DNAH14: variants seen among roughly 807,000 people sequenced by gnomAD.
DNAH14 encodes the protein dynein axonemal heavy chain 14.
DNAH14 carries 478 observed loss-of-function variants against 520.9 expected under a neutral mutation model. The observed-to-expected ratio is 0.92, with a 90% CI of 0.85 to 0.99. DNAH14 has a LOEUF of 0.99. DNAH14 is among the 50% of genes least tolerant of loss of function. The pLI, the probability that DNAH14 is intolerant of heterozygous loss-of-function variation, is 0.00. For missense variants in DNAH14, 4,831 were observed against 5,234.5 expected, an observed-to-expected ratio of 0.92 and a Z score of 2.38; for synonymous variants, 1,581 against 1,757.2, an observed-to-expected ratio of 0.90 and a Z score of 2.51.
chr1:224,995,546 T>C (rs1008308627), intron 8 of DNAH14, among the ~76,000 whole-genome samples: 3 of 152,106 alleles, frequency 2.0e-5, no homozygotes, highest in African/African-American at 7.2e-5. Context: ...TTAAATTTAA[T>C]TGGAGATCTC....
intron 8 of DNAH14, among the ~76,000 whole-genome samples, chr1:224,992,212 T>C (rs2063107438): frequency 6.6e-6 from 1 of 152,154 alleles, no homozygotes; most frequent in Non-Finnish European, 1.5e-5. Flanking sequence ...ATAATTGCCT[T>C]GACTATTCAA....
At position 225,037,255 on chromosome 1, in the gene DNAH14, G is replaced by T. The variant is rs530491029; in HGVS notation, c.1359-1439G>T. On this transcript the variant is annotated intron_variant, in intron 11 of 85. Transcript: ENST00000682510. ...AATAAGGACTTACTCCTGCCATTTTGTTATTTGTTTATTTTTGGTTCTTTT... is the reference window on the plus strand; with the variant it reads ...AATAAGGACTTACTCCTGCCATTTTTTTATTTGTTTATTTTTGGTTCTTTT... Among the ~76,000 whole-genome samples, 5 of 152,132 alleles carry T rather than the reference G, an allele frequency of 3.3e-5. No individual in the cohort carries two copies. The South Asian group carries it at 1.0e-3, about 32-fold the overall frequency.
intron 4 of DNAH14, among the ~76,000 whole-genome samples, chr1:224,962,546 C>T (rs1035013474): frequency 6.6e-6 from 1 of 152,106 alleles, no homozygotes; most frequent in Non-Finnish European, 1.5e-5. Context: ...GAAACGAATT[C>T]CACCTCAAAC....
At chr1:225,044,277 CTTTTATGTCATAGTATAACAAAGATA>C (rs1254472962) in intron 15 of DNAH14, among the ~76,000 whole-genome samples, 1 of 152,112 alleles carries the variant, frequency 6.6e-6, no homozygotes, top group Non-Finnish European at 1.5e-5. Context: ...TGAGCAAGAT[CTTTTATGTCATAGTATAACAAAGATA>C]TTGTTTCTAC....
intron 61 of DNAH14, among the ~76,000 whole-genome samples, chr1:225,322,161 G>A (rs2094569578): frequency 7.8e-6 from 1 of 128,924 alleles, no homozygotes; most frequent in Admixed American, 1.0e-4. Context: ...CGTGATCTTG[G>A]CTCAGTCCAG....
intron 1 of DNAH14, among the ~76,000 whole-genome samples, chr1:224,946,480 C>G (rs2059839887): frequency 6.6e-6 from 1 of 152,120 alleles, no homozygotes; most frequent in Non-Finnish European, 1.5e-5. Flanking sequence ...ACCCACTGTC[C>G]TGCACCCAGT....
At chr1:225,074,765 G>A (rs982133498) in intron 17 of DNAH14, among the ~76,000 whole-genome samples, 11 of 152,210 alleles carry the variant, frequency 7.2e-5, no homozygotes, top group African/African-American at 2.7e-4. Flanking sequence ...CTCCAAAGCC[G>A]CAGGCTATAG....
At chr1:225,350,985 C>T (rs1370253566) in intron 71 of DNAH14, among the ~76,000 whole-genome samples, 1 of 152,112 alleles carries the variant, frequency 6.6e-6, no homozygotes, top group Non-Finnish European at 1.5e-5. Context: ...AAATCCTCAG[C>T]AAAATACTAA....
intron 82 of DNAH14, 145 bp from the exon 83 acceptor site, chr1:225,389,589 C>T: frequency 1.1e-6 from 1 of 871,232 alleles, no homozygotes; most frequent in Non-Finnish European, 1.7e-6. Flanking sequence ...AGCTGGCTTC[C>T]ATTCAAGGGC....
At chr1:225,194,127 G>A (rs2085800082) in intron 38 of DNAH14, among the ~76,000 whole-genome samples, 2 of 152,074 alleles carry the variant, frequency 1.3e-5, no homozygotes, top group African/African-American at 4.8e-5. Context: ...ACTGCGCAAA[G>A]CAATTACAGA....
intron 15 of DNAH14, among the ~76,000 whole-genome samples, 172 bp downstream of exon 15, chr1:225,044,155 T>A (rs1189683758): frequency 1.3e-5 from 2 of 152,180 alleles, no homozygotes; most frequent in Non-Finnish European, 2.9e-5. Context: ...TTTGAGGATG[T>A]GTGAATTTTA....
intron 60 of DNAH14, 128 bp downstream of exon 60, chr1:225,308,538 G>A: frequency 1.1e-6 from 1 of 952,010 alleles, no homozygotes; most frequent in Non-Finnish European, 1.5e-6. Flanking sequence ...ACTTTTCATT[G>A]TAATTCCAAC....
At chr1:225,307,713 CT>C (rs1033762025) in intron 59 of DNAH14, 144 bp downstream of exon 59, 9 of 556,670 alleles carry the variant, frequency 1.6e-5, no homozygotes, top group African/African-American at 5.9e-5. Context: ...AAAAAAATAG[CT>C]TGTTTTTTTA....
chr1:224,990,724 A>T (rs2489336), intron 8 of DNAH14, among the ~76,000 whole-genome samples: 14,567 of 152,186 alleles, frequency 0.096, 2,250 homozygotes, highest in African/African-American at 0.33. Context: ...TGATTCCATA[A>T]CCTGGCTGTT....
intron 76 of DNAH14, among the ~76,000 whole-genome samples, chr1:225,367,209 C>T (rs1267387225): frequency 6.6e-6 from 1 of 152,128 alleles, no homozygotes; most frequent in Non-Finnish European, 1.5e-5. Flanking sequence ...CAAAAAAGCC[C>T]TCCAGTTGAT....
rs959803693 is a variant in DNAH14 at position 225,258,041 on chromosome 1, C to T, written c.6947C>T (p.Thr2316Ile). The change falls in exon 45 of 86, where the codon ACC becomes ATC. Residue 2316 changes from threonine to isoleucine, a missense_variant. Transcript: ENST00000682510. Reference protein sequence around the residue: ...ITECGECINYTATRDTTCLSF... With the variant: ...ITECGECINYIATRDTTCLSF... Reference sequence around the variant, plus strand: ...GAATGTGGAGAATGCATTAATTATACCGCTACCAGAGACACAACATGCCTT... The same window carrying T: ...GAATGTGGAGAATGCATTAATTATATCGCTACCAGAGACACAACATGCCTT... The T allele has an allele frequency of 5.2e-6, 8 of 1,550,112 alleles. No individual in the cohort carries two copies. The highest frequency in any genetic ancestry group is 6.1e-6 in the Non-Finnish European group (7 of 1,146,354).
At chr1:225,309,458 G>A (rs1675291586) in intron 60 of DNAH14, among the ~76,000 whole-genome samples, 1 of 152,166 alleles carries the variant, frequency 6.6e-6, no homozygotes, top group Non-Finnish European at 1.5e-5. Flanking sequence ...TCAGTGTTAA[G>A]CAAATAGGGG....
chr1:225,129,986 A>AC (rs1410706856), intron 27 of DNAH14, among the ~76,000 whole-genome samples: 2 of 152,114 alleles, frequency 1.3e-5, no homozygotes, highest in Non-Finnish European at 2.9e-5. Flanking sequence ...AAAACAAACA[A>AC]CCCCATCAAA....
intron 6 of DNAH14, among the ~76,000 whole-genome samples, chr1:224,968,153 C>G (rs984609335): frequency 2.6e-5 from 4 of 151,984 alleles, no homozygotes; most frequent in African/African-American, 4.8e-5. Flanking sequence ...AAAGAAATAT[C>G]TCTAATATGC....
Sources: allele counts gnomAD v4.1 joint callset (sites outside exome capture counted in the v4.1 genomes callset), GRCh38; gene constraint gnomAD v4.1.1; transcripts MANE v1.5; gene names NCBI Gene and HGNC (gene_info 2026-07-23, HGNC 2026-07-21).